Variants in CNOT4 observed in about 807,000 individuals in gnomAD.
The protein encoded by CNOT4 is CCR4-NOT transcription complex subunit 4.
CNOT4 carries 8 observed loss-of-function variants against 73.8 expected under a neutral mutation model. The observed-to-expected ratio is 0.11, with a 90% CI of 0.06 to 0.20. The LOEUF (loss-of-function observed/expected upper bound fraction) is 0.20, where lower values mean the gene tolerates loss of function less well. CNOT4 is among the 10% of genes least tolerant of loss of function. The pLI is 1.00. For missense variants in CNOT4, 564 were observed against 883.4 expected (o/e 0.64, Z 4.58); for synonymous variants, 293 against 321.1 (o/e 0.91, Z 0.94).
intron 1 of CNOT4, among the ~76,000 whole-genome samples, chr7:135,471,103 T>G (rs1801548558): frequency 6.6e-6 from 1 of 152,112 alleles, no homozygotes; most frequent in South Asian, 2.1e-4. Flanking sequence ...GGTGAAGACT[T>G]GGAGGGAAGC....
At chr7:135,449,443 T>C (rs1157736704) in intron 1 of CNOT4, among the ~76,000 whole-genome samples, 1 of 152,166 alleles carries the variant, frequency 6.6e-6, no homozygotes, top group Non-Finnish European at 1.5e-5. Context: ...TGGTTAAAAG[T>C]AATCCCTAGA....
intron 1 of CNOT4, among the ~76,000 whole-genome samples, chr7:135,485,082 T>C (rs1030258406): frequency 1.3e-5 from 2 of 152,114 alleles, no homozygotes; most frequent in African/African-American, 4.8e-5. Flanking sequence ...TGTTTGTTTG[T>C]TTGTTTTTTG....
At chr7:135,416,185 C>G (rs1196362848) in intron 3 of CNOT4, among the ~76,000 whole-genome samples, 1 of 152,080 alleles carries the variant, frequency 6.6e-6, no homozygotes, top group African/African-American at 2.4e-5. Flanking sequence ...TGTAACTATT[C>G]AAGTGTGTGT....
Position 135,422,164 on chromosome 7 carries a change from C to G in CNOT4, c.364G>C (p.Asp122His). ...AAAACAAGAGGACTTACCTCTGGGT[C>G]TGCTAGGCGCTGAGATAAACCTACA... ...FVVGLSQRLA[D>H]PEVLKRPEYF... Residue 122 changes from aspartate to histidine, a missense_variant, in exon 3 of 12, where the codon GAC (aspartate) becomes CAC (histidine). Transcript: ENST00000541284. The G allele has an allele frequency of 6.2e-7, 1 of 1,602,200 alleles. No homozygotes were observed. Among genetic ancestry groups the G allele is most frequent in the South Asian group, 1.1e-5 (1 of 90,810 alleles).
At chr7:135,427,057 A>G (rs867923379) in intron 2 of CNOT4, among the ~76,000 whole-genome samples, 105 of 152,344 alleles carry the variant, frequency 6.9e-4, no homozygotes, top group African/African-American at 2.5e-3. Flanking sequence ...TGTGCATTAC[A>G]TATCAAACTA....
chr7:135,414,711 G>A (rs903632843), intron 4 of CNOT4, among the ~76,000 whole-genome samples: 1 of 151,834 alleles, frequency 6.6e-6, no homozygotes, highest in African/African-American at 2.4e-5. Context: ...CATTTGACAG[G>A]CTCGTCAAGG....
At chr7:135,381,213 A>G (rs932798825) in intron 10 of CNOT4, among the ~76,000 whole-genome samples, 2 of 152,230 alleles carry the variant, frequency 1.3e-5, no homozygotes, top group African/African-American at 4.8e-5. Context: ...GACATGAGAC[A>G]TCTTCCTCTA....
chr7:135,374,659 A>G (rs997443043), intron 10 of CNOT4, among the ~76,000 whole-genome samples: 4 of 152,208 alleles, frequency 2.6e-5, no homozygotes, highest in Non-Finnish European at 2.9e-5. Flanking sequence ...TTCTTTGACA[A>G]ATGTTATTAA....
At chr7:135,442,492 G>A (rs776730735) in intron 1 of CNOT4, among the ~76,000 whole-genome samples, 9 of 152,144 alleles carry the variant, frequency 5.9e-5, no homozygotes, top group Non-Finnish European at 1.2e-4. Context: ...CCAGCTATTT[G>A]GGAGGCTGAA....
chr7:135,496,539 G>A (rs747239101), intron 1 of CNOT4, among the ~76,000 whole-genome samples: 1 of 151,670 alleles, frequency 6.6e-6, no homozygotes, highest in Non-Finnish European at 1.5e-5. Flanking sequence ...CATTCTCCTC[G>A]AACTTCGTAT....
At chr7:135,485,550 T>C (rs763897203) in intron 1 of CNOT4, among the ~76,000 whole-genome samples, 19 of 152,144 alleles carry the variant, frequency 1.2e-4, no homozygotes, top group Non-Finnish European at 2.4e-4. Flanking sequence ...GAAAGAGACA[T>C]ATAGACTAAT....
intron 1 of CNOT4, among the ~76,000 whole-genome samples, chr7:135,478,922 GAATA>G (rs1002508179): frequency 6.6e-6 from 1 of 152,016 alleles, no homozygotes; most frequent in Non-Finnish European, 1.5e-5. Context: ...AAAGAAATCA[GAATA>G]AACTGAAAAA....
chr7:135,495,639 C>T (rs1225687759), intron 1 of CNOT4, among the ~76,000 whole-genome samples: 3 of 133,112 alleles, frequency 2.3e-5, no homozygotes, highest in African/African-American at 8.6e-5. Context: ...CACTGCACTC[C>T]AGCCTAGGTA....
intron 1 of CNOT4, among the ~76,000 whole-genome samples, chr7:135,442,371 C>T (rs1190806622): frequency 1.3e-5 from 2 of 151,894 alleles, no homozygotes; most frequent in East Asian, 1.9e-4. Context: ...CCAAGGCGGG[C>T]GGATCACCTG....
intron 10 of CNOT4, chr7:135,384,690 C>T (rs775178586): frequency 1.3e-6 from 1 of 765,294 alleles, no homozygotes; most frequent in Admixed American, 1.7e-5. Context: ...TTCTCTTCAG[C>T]ACTGCCAGTC....
In CNOT4 at chr7:135,395,483, C is replaced by A; in HGVS notation, c.1129+151G>T. ...GGTCACACAACAATGTATTTAACCA[C>A]CTAATTCCATGTAGTTTAAATATTT... On this transcript the variant is annotated intron_variant, in intron 9 of 11. Coordinates refer to ENST00000541284, the MANE Select transcript of CNOT4 (RefSeq NM_001190850.2). 9.5e-6 allele frequency: 8 copies of A among 845,042 alleles called. 1 individual carries two copies. In the South Asian group the frequency reaches 1.3e-4, roughly 14 times the overall value. 52.3% of individuals were successfully genotyped at this position (845,042 alleles called of 1,614,324 possible).
chr7:135,393,390 T>C (rs1796500127), intron 10 of CNOT4, among the ~76,000 whole-genome samples: 1 of 152,192 alleles, frequency 6.6e-6, no homozygotes, highest in South Asian at 2.1e-4. Context: ...GATATGCTTG[T>C]AAAACATTCA....
intron 1 of CNOT4, among the ~76,000 whole-genome samples, chr7:135,483,181 T>A (rs111791908): frequency 0.047 from 6,477 of 136,710 alleles, 282 homozygotes; most frequent in African/African-American, 0.12. Flanking sequence ...CAAAAAAATT[T>A]AAAAAAAAAA....
chr7:135,485,059 T>G (rs541195556), intron 1 of CNOT4, among the ~76,000 whole-genome samples: 1 of 152,222 alleles, frequency 6.6e-6, no homozygotes, highest in South Asian at 2.1e-4. Flanking sequence ...TAGCAAAATC[T>G]TAGGAAGGAT....
Sources: gnomAD v4.1 joint callset for allele counts (sites outside exome capture counted in the v4.1 genomes callset) on GRCh38, gnomAD v4.1.1 for gene constraint, MANE v1.5 for transcripts, NCBI Gene and HGNC (gene_info 2026-07-23, HGNC 2026-07-21) for gene names.